Variants in LURAP1 observed in about 807,000 individuals in gnomAD.
LURAP1 encodes the protein NF-kappa-B activator C1orf190.
Under a neutral mutation model 19.0 loss-of-function variants are expected in LURAP1, and 14 were observed. The ratio of observed to expected loss-of-function variants is 0.74; its 90% confidence interval spans 0.49 to 1.15. The LOEUF is 1.15. Ranked by LOEUF, LURAP1 falls within the 50% of genes most tolerant of loss-of-function variation. The pLI is 0.00. For missense variants in LURAP1, 273 were observed against 309.1 expected (o/e 0.88, Z 0.87); for synonymous variants, 129 against 131.8 (o/e 0.98, Z 0.14).
chr1:46,206,179 G>T (rs1658708651), intron 1 of LURAP1, among the ~76,000 whole-genome samples: 1 of 152,198 alleles, frequency 6.6e-6, no homozygotes, highest in Non-Finnish European at 1.5e-5. Flanking sequence ...AAGAATGCAC[G>T]GGTTCAAGTC....
In LURAP1 at chr1:46,220,210, C is replaced by A. The variant is rs1557688407; in HGVS notation, c.710C>A (p.Thr237Asn). Residue 237 changes from threonine (T) to asparagine (N), a missense_variant, in exon 2 of 2, where the codon ACC becomes AAC. Transcript: ENST00000371980. ...WFWEQCQDDVTFL is the reference protein window; with the variant it reads ...WFWEQCQDDVNFL ...TGGGAGCAGTGCCAGGATGATGTGACCTTCTTGTAACAACTATTCCACCCT... is the reference window on the plus strand; with the variant it reads ...TGGGAGCAGTGCCAGGATGATGTGAACTTCTTGTAACAACTATTCCACCCT... 1 of 1,606,198 alleles carries A rather than the reference C, an allele frequency of 6.2e-7. No homozygotes were observed.
chr1:46,217,890 TTA>T (rs1172480769), intron 1 of LURAP1, among the ~76,000 whole-genome samples: 4 of 151,950 alleles, frequency 2.6e-5, no homozygotes, highest in African/African-American at 9.7e-5. Flanking sequence ...GTCCCTAATC[TTA>T]TATAGTGTGG....
intron 1 of LURAP1, among the ~76,000 whole-genome samples, chr1:46,214,790 C>T (rs772654793): frequency 1.4e-5 from 2 of 144,238 alleles, no homozygotes; most frequent in Non-Finnish European, 3.0e-5. Context: ...CACTTGAACC[C>T]GAGAGGCAGA....
rs1015653133 is a variant in LURAP1 at position 46,213,706 on chromosome 1, C to T, written c.199-5993C>T. Reference sequence around the variant, plus strand: ...CTGCACTCCAGCCTGGACAACGTAGCGAGACTTTGTCTCTACAAAAACTTT... The same window carrying T: ...CTGCACTCCAGCCTGGACAACGTAGTGAGACTTTGTCTCTACAAAAACTTT... On this transcript the variant is annotated intron_variant, in intron 1 of 1. Transcript: ENST00000371980. Among the ~76,000 whole-genome samples, 20 of 151,568 alleles carry T rather than the reference C, an allele frequency of 1.3e-4. No homozygotes were observed. The East Asian group carries it at 1.6e-3, about 12-fold the overall frequency.
At position 46,220,522 on chromosome 1, in the gene LURAP1, T is replaced by G. The variant is rs965176023; in HGVS notation, c.*302T>G. ...ACAGCTCACTGCAGCCTTGACCTCC[T>G]GGGCTCAAGCGATCCTCCTATTTCA... is the stretch of plus-strand genomic sequence containing the variant. On this transcript the variant is annotated 3_prime_UTR_variant, in exon 2 of 2. Transcript: ENST00000371980. 1.1e-4 allele frequency: 28 copies of G among 256,544 alleles called. No individual in the cohort carries two copies. Among genetic ancestry groups the G allele is most frequent in the African/African-American group, 5.6e-4 (25 of 44,912 alleles). The allele number at this position is 256,544 out of a possible 1,614,324, so 15.9% of individuals were successfully genotyped here. A position where few individuals can be genotyped will look rare whatever the true frequency, so the allele number is the denominator to read the frequency against.
At chr1:46,216,268 T>G (rs377700616) in intron 1 of LURAP1, among the ~76,000 whole-genome samples, 3 of 151,870 alleles carry the variant, frequency 2.0e-5, no homozygotes, top group African/African-American at 7.3e-5. Context: ...GGATGGTCTC[T>G]ATCTCCTGAC....
At position 46,220,665 on chromosome 1, in the gene LURAP1, TC is replaced by T. The variant is rs1399255398; in HGVS notation, c.*447del. On this transcript the variant is annotated 3_prime_UTR_variant, in exon 2 of 2. Coordinates refer to ENST00000371980, the MANE Select transcript of LURAP1 (RefSeq NM_001013615.3). Reference sequence around the variant, plus strand: ...TGTGTTGCCCAGGCTGGTCTCAAACTCCTGGGCTCAAGGGATCCTCCCGCCT... The same window carrying T: ...TGTGTTGCCCAGGCTGGTCTCAAACTCTGGGCTCAAGGGATCCTCCCGCCT... 1.3e-5 allele frequency: 2 copies of T among 154,668 alleles called. No homozygotes were observed. The highest frequency in any genetic ancestry group is 4.8e-5 in the African/African-American group (2 of 41,394). The allele number at this position is 154,668 out of a possible 1,614,324, so 9.6% of individuals were successfully genotyped here.
At chr1:46,216,515 A>G (rs1007513250) in intron 1 of LURAP1, among the ~76,000 whole-genome samples, 1 of 151,456 alleles carries the variant, frequency 6.6e-6, no homozygotes, top group Non-Finnish European at 1.5e-5. Flanking sequence ...CTAATTTTTA[A>G]ATTTTTTGTA....
rs13374264 is a variant in LURAP1 at position 46,217,342 on chromosome 1, G to A, written c.199-2357G>A. Among the ~76,000 whole-genome samples the A allele has an allele frequency of 8.2e-3, 1,250 of 152,232 alleles. 19 individuals are homozygous for A. Among genetic ancestry groups the A allele is most frequent in the Middle Eastern group, 0.037 (11 of 294 alleles). On this transcript the variant is annotated intron_variant, in intron 1 of 1. Coordinates refer to ENST00000371980, the MANE Select transcript of LURAP1 (RefSeq NM_001013615.3). Reference sequence around the variant, plus strand: ...TTGAGGGAGTGTTTGAGGTTGACTTGCTGATAACTACATAGCAAACTAGGC... The same window carrying A: ...TTGAGGGAGTGTTTGAGGTTGACTTACTGATAACTACATAGCAAACTAGGC...
intron 1 of LURAP1, among the ~76,000 whole-genome samples, chr1:46,204,944 T>C (rs1658664433): frequency 6.6e-6 from 1 of 152,156 alleles, no homozygotes; most frequent in African/African-American, 2.4e-5. Flanking sequence ...CCCTGTTAAG[T>C]GATATTTTAT....
chr1:46,219,113 A>G (rs562470598), intron 1 of LURAP1, among the ~76,000 whole-genome samples: 1 of 152,128 alleles, frequency 6.6e-6, no homozygotes, highest in East Asian at 1.9e-4. Flanking sequence ...CCTGACCAAC[A>G]TGGTGAAACC....
At chr1:46,218,379 C>T (rs1391938264) in intron 1 of LURAP1, among the ~76,000 whole-genome samples, 9 of 152,136 alleles carry the variant, frequency 5.9e-5, no homozygotes, top group Non-Finnish European at 1.2e-4. Context: ...GAACAAGACC[C>T]TGTCTCAAAA....
chr1:46,220,194 T>G lies in LURAP1; in HGVS notation c.694T>G (p.Cys232Gly). 1 of 1,611,634 alleles carries G rather than the reference T, an allele frequency of 6.2e-7. No homozygotes were observed. Among genetic ancestry groups the G allele is most frequent in the Non-Finnish European group, 8.5e-7 (1 of 1,178,452 alleles). The change falls in exon 2 of 2, where the codon TGC (cysteine) becomes GGC (glycine). Residue 232 changes from cysteine (C) to glycine (G), a missense_variant. Cys to Gly is a radical substitution (Grantham distance 159). Transcript: ENST00000371980. ...GFEAHWFWEQ[C>G]QDDVTFL ...CGAGGCCCACTGGTTCTGGGAGCAG[T>G]GCCAGGATGATGTGACCTTCTTGTA... is the stretch of plus-strand genomic sequence containing the variant.
chr1:46,205,637 T>C (rs1658688453), intron 1 of LURAP1, among the ~76,000 whole-genome samples: 1 of 152,228 alleles, frequency 6.6e-6, no homozygotes, highest in Admixed American at 6.5e-5. Context: ...ATTTAACTTT[T>C]GATTTTGTCT....
chr1:46,204,646 G>A (rs1658657392), intron 1 of LURAP1, among the ~76,000 whole-genome samples: 2 of 152,218 alleles, frequency 1.3e-5, no homozygotes, highest in South Asian at 4.1e-4. Flanking sequence ...GCTGGGAAGA[G>A]AGTCTGGTGG....
intron 1 of LURAP1, among the ~76,000 whole-genome samples, chr1:46,205,056 G>C (rs1658668281): frequency 6.6e-6 from 1 of 152,126 alleles, no homozygotes; most frequent in African/African-American, 2.4e-5. Context: ...CCAGGAGTTT[G>C]AGACCAGCCT....
chr1:46,217,964 T>G (rs1284272234), intron 1 of LURAP1, among the ~76,000 whole-genome samples: 1 of 152,134 alleles, frequency 6.6e-6, no homozygotes, highest in Non-Finnish European at 1.5e-5. Context: ...ATATGGAGAT[T>G]AGGAGGTAAA....
chr1:46,208,185 G>T (rs886446111), intron 1 of LURAP1, among the ~76,000 whole-genome samples: 2 of 152,084 alleles, frequency 1.3e-5, no homozygotes, highest in South Asian at 4.2e-4. Context: ...TAGAGACAGG[G>T]TCTTGCTATG....
chr1:46,206,704 T>A (rs1287746729), intron 1 of LURAP1, among the ~76,000 whole-genome samples: 1 of 152,190 alleles, frequency 6.6e-6, no homozygotes, highest in African/African-American at 2.4e-5. Context: ...CTCTCAGATT[T>A]ATTTCCCAGC....
Sources: allele counts gnomAD v4.1 joint callset (sites outside exome capture counted in the v4.1 genomes callset), GRCh38; gene constraint gnomAD v4.1.1; transcripts MANE v1.5; gene names NCBI Gene and HGNC (gene_info 2026-07-23, HGNC 2026-07-21).